The following PRKD2 variants were observed in gnomAD, a reference collection of about 807,000 sequenced individuals.
PRKD2 encodes the protein protein kinase D2.
In PRKD2, 22 loss-of-function variants were observed where a neutral mutation model predicts 86.0. The observed-to-expected ratio is 0.26, with a 90% CI of 0.18 to 0.37. The LOEUF is 0.37. PRKD2 is among the 10% of genes least tolerant of loss of function. PRKD2 has a pLI of 1.00. For synonymous variants in PRKD2, 509 were observed against 510.9 expected, an observed-to-expected ratio of 1.00 and a Z score of 0.05; for missense variants, 818 against 1,199.2, an observed-to-expected ratio of 0.68 and a Z score of 4.70.
At chr19:46,714,447 A>C (rs900884438) in intron 1 of PRKD2, 3 of 135,718 alleles carry the variant, frequency 2.2e-5, no homozygotes, top group African/African-American at 5.4e-5. Flanking sequence ...GGCGAGCTGG[A>C]AGGAGGACTT....
chr19:46,690,286 C>T (rs1487765403), intron 13 of PRKD2, among the ~76,000 whole-genome samples: 3 of 152,186 alleles, frequency 2.0e-5, no homozygotes, highest in South Asian at 2.1e-4. Context: ...ATTTTCCTAA[C>T]GTACACACCT....
At chr19:46,681,533 G>C in intron 15 of PRKD2, 117 bp downstream of exon 15, 3 of 721,402 alleles carry the variant, frequency 4.2e-6, no homozygotes, top group Non-Finnish European at 6.9e-6. Context: ...GCTGATTACA[G>C]GCAAGAGCCA....
intron 14 of PRKD2, among the ~76,000 whole-genome samples, chr19:46,688,591 C>T (rs2053435506): frequency 1.3e-5 from 2 of 151,760 alleles, no homozygotes; most frequent in Admixed American, 1.3e-4. Flanking sequence ...TGCCTGCCAC[C>T]ATGCTCAGCT....
At chr19:46,688,571 T>C (rs2053435232) in intron 14 of PRKD2, among the ~76,000 whole-genome samples, 1 of 150,576 alleles carries the variant, frequency 6.6e-6, no homozygotes, top group South Asian at 2.1e-4. Flanking sequence ...CAAGTAGCTA[T>C]GATTACAGGT....
At chr19:46,701,681 T>C (rs1270952666) in intron 5 of PRKD2, among the ~76,000 whole-genome samples, 1 of 151,256 alleles carries the variant, frequency 6.6e-6, no homozygotes, top group Non-Finnish European at 1.5e-5. Flanking sequence ...GTGTGTGTTA[T>C]TGGTTCTAAT....
intron 15 of PRKD2, among the ~76,000 whole-genome samples, chr19:46,680,441 A>G (rs2053280366): frequency 2.0e-5 from 3 of 151,722 alleles, no homozygotes; most frequent in South Asian, 2.1e-4. Flanking sequence ...GGTTCCCGCC[A>G]CCATGCCCAG....
At chr19:46,697,540 T>G (rs2053578566) in intron 8 of PRKD2, among the ~76,000 whole-genome samples, 193 bp downstream of exon 8, 1 of 147,728 alleles carries the variant, frequency 6.8e-6, no homozygotes, top group Non-Finnish European at 1.5e-5. Flanking sequence ...GGGTCTTCCC[T>G]AACTCCTGCC....
chr19:46,678,262 G>T lies in PRKD2; in HGVS notation c.2338+134C>A. On this transcript the variant is annotated intron_variant, in intron 16 of 17. Transcript: ENST00000291281. This position sits in a 1 kb window ranked among gnomAD's most constrained non-coding sequence, Gnocchi z 5.7. The stretch of plus-strand genomic sequence containing the variant: ...TCCTGTAGCCACATCCCTCCAGTAG[G>T]CCCGCCCCAGCACTGGGCTCCACCC... The T allele has an allele frequency of 1.5e-6, 2 of 1,359,940 alleles. No homozygotes were observed. The highest frequency in any genetic ancestry group is 2.0e-6 in the Non-Finnish European group (2 of 1,009,538). The allele number at this position is 1,359,940 out of a possible 1,614,324, so 84.2% of individuals were successfully genotyped here.
At chr19:46,714,845 A>T (rs1239271243) in intron 1 of PRKD2, among the ~76,000 whole-genome samples, 2 of 152,150 alleles carry the variant, frequency 1.3e-5, no homozygotes, top group South Asian at 4.1e-4. Context: ...TGCGGGATTG[A>T]GGCATTTGGT....
intron 14 of PRKD2, among the ~76,000 whole-genome samples, chr19:46,684,355 T>C (rs749432257): frequency 6.6e-6 from 1 of 152,166 alleles, no homozygotes; most frequent in South Asian, 2.1e-4. Flanking sequence ...GGAGTCTCAC[T>C]CTGTTGCCCA....
chr19:46,678,222 T>C lies in PRKD2; in HGVS notation c.2338+174A>G, dbSNP rs1478537881. Reference sequence around the variant, plus strand: ...CTAGGCCTGAGTCCCAGCCCATCTTTTACAGGACGGCTCCTCCTGTAGCCA... The same window carrying C: ...CTAGGCCTGAGTCCCAGCCCATCTTCTACAGGACGGCTCCTCCTGTAGCCA... On this transcript the variant is annotated intron_variant, in intron 16 of 17. Coordinates refer to ENST00000291281, the MANE Select transcript of PRKD2 (RefSeq NM_016457.5). This position sits in a 1 kb window ranked among gnomAD's most constrained non-coding sequence, Gnocchi z 5.7. The C allele has an allele frequency of 8.6e-6, 9 of 1,045,654 alleles. No homozygotes were observed. Among genetic ancestry groups the C allele is most frequent in the Non-Finnish European group, 1.2e-5 (9 of 739,682 alleles). The allele number at this position is 1,045,654 out of a possible 1,614,324, so 64.8% of individuals were successfully genotyped here. A position where few individuals can be genotyped will look rare whatever the true frequency, so the allele number is the denominator to read the frequency against.
chr19:46,708,083 C>G (rs2053742478), intron 3 of PRKD2, among the ~76,000 whole-genome samples: 1 of 151,990 alleles, frequency 6.6e-6, no homozygotes, highest in Admixed American at 6.6e-5. Context: ...GGGTGACAGA[C>G]TGAGACGCTG....
chr19:46,688,810 C>G (rs538914215), intron 14 of PRKD2: 4 of 151,340 alleles, frequency 2.6e-5, no homozygotes, highest in Non-Finnish European at 4.4e-5. Context: ...GGCGGGGTCT[C>G]GCTATGTTGC....
In PRKD2 at chr19:46,678,261, G is replaced by A; in HGVS notation, c.2338+135C>T. On this transcript the variant is annotated intron_variant, in intron 16 of 17. Transcript: ENST00000291281. This position sits in a 1 kb window ranked among gnomAD's most constrained non-coding sequence, Gnocchi z 5.7. ...CTCCTGTAGCCACATCCCTCCAGTA[G>A]GCCCGCCCCAGCACTGGGCTCCACC... 7.4e-7 allele frequency: 1 copy of A among 1,357,236 alleles called. No individual in the cohort carries two copies. The highest frequency in any genetic ancestry group is 9.9e-7 in the Non-Finnish European group (1 of 1,007,520). 84.1% of individuals were successfully genotyped at this position (1,357,236 alleles called of 1,614,324 possible).
Position 46,710,847 on chromosome 19 carries a change from C to A in PRKD2, c.511+60G>T, listed in dbSNP as rs974456662. On this transcript the variant is annotated intron_variant, in intron 3 of 17. Coordinates refer to ENST00000291281, the MANE Select transcript of PRKD2 (RefSeq NM_016457.5). ...CGCTGTCCCCGTGCCAGGACCATTA[C>A]GCTCCGCCCCCGGTGCAGAGCCCCG... 5.4e-6 allele frequency: 8 copies of A among 1,487,356 alleles called. No individual in the cohort carries two copies. In the East Asian group the frequency reaches 2.0e-4, roughly 37 times the overall value. 92.1% of individuals were successfully genotyped at this position (1,487,356 alleles called of 1,614,324 possible).
At chr19:46,704,070 G>A (rs1014330114) in intron 5 of PRKD2, 99 bp downstream of exon 5, 98 of 1,531,350 alleles carry the variant, frequency 6.4e-5, no homozygotes, top group Non-Finnish European at 8.5e-5. Flanking sequence ...TGAGGCCCTG[G>A]GGTCCCAAGG....
rs1218507047 is a variant in PRKD2 at position 46,697,953 on chromosome 19, TTTTG to T, written c.1122-107_1122-104del. The T allele has an allele frequency of 1.3e-5, 12 of 917,332 alleles. No homozygotes were observed. The East Asian group carries it at 1.5e-4, about 11-fold the overall frequency. The allele number at this position is 917,332 out of a possible 1,614,324, so 56.8% of individuals were successfully genotyped here. On this transcript the variant is annotated intron_variant, in intron 7 of 17. Coordinates refer to ENST00000291281, the MANE Select transcript of PRKD2 (RefSeq NM_016457.5). Reference sequence around the variant, plus strand: ...GGGAAACTAGGGAGTTGGGGACTGTTTTTGTTTGTTTGGTTTGTTTTGACATTTT... The same window carrying T: ...GGGAAACTAGGGAGTTGGGGACTGTTTTTGTTTGGTTTGTTTTGACATTTT...
At chr19:46,689,492 C>A in intron 14 of PRKD2, 45 bp downstream of exon 14, 2 of 1,557,460 alleles carry the variant, frequency 1.3e-6, no homozygotes, top group Non-Finnish European at 1.7e-6. Flanking sequence ...TCCAAGCTGA[C>A]ACCTGATGGG....
At chr19:46,700,358 C>T (rs940775625) in intron 7 of PRKD2, among the ~76,000 whole-genome samples, 1 of 151,860 alleles carries the variant, frequency 6.6e-6, no homozygotes, top group Non-Finnish European at 1.5e-5. Context: ...CACTGCACTC[C>T]AGTGGGCAAC....
Sources: gnomAD v4.1 joint callset for allele counts (sites outside exome capture counted in the v4.1 genomes callset) on GRCh38, gnomAD v4.1.1 for gene constraint, Gnocchi (gnomAD v3.1) non-coding constraint, MANE v1.5 for transcripts, NCBI Gene and HGNC (gene_info 2026-07-23, HGNC 2026-07-21) for gene names.